Variants in COQ8A observed in about 807,000 individuals in gnomAD.
The protein encoded by COQ8A is atypical kinase COQ8A, mitochondrial.
COQ8A carries 51 observed loss-of-function variants against 65.0 expected under a neutral mutation model. The observed-to-expected ratio is 0.78, with a 90% CI of 0.63 to 0.99. The LOEUF is 0.99. Ranked by LOEUF, COQ8A falls within the 50% of genes least tolerant of loss-of-function variation. The pLI, the probability that COQ8A is intolerant of heterozygous loss-of-function variation, is 0.00. For synonymous variants in COQ8A, 371 were observed against 353.2 expected, an observed-to-expected ratio of 1.05 and a Z score of -0.57; for missense variants, 940 against 875.0, an observed-to-expected ratio of 1.07 and a Z score of -0.94.
At chr1:226,951,048 G>T (rs756288292) in intron 1 of COQ8A, among the ~76,000 whole-genome samples, 4 of 152,190 alleles carry the variant, frequency 2.6e-5, no homozygotes, top group Non-Finnish European at 4.4e-5. Flanking sequence ...GGGCAGACAG[G>T]CCAGCGTATG....
At chr1:226,963,963 G>A (rs1474420463) in intron 2 of COQ8A, among the ~76,000 whole-genome samples, 4 of 152,218 alleles carry the variant, frequency 2.6e-5, no homozygotes, top group Non-Finnish European at 5.9e-5. Flanking sequence ...CAGCCTGGGT[G>A]TTGGATCCCG....
intron 1 of COQ8A, among the ~76,000 whole-genome samples, chr1:226,960,347 GGTGGT>G (rs1558187271): frequency 1.3e-5 from 2 of 149,382 alleles, no homozygotes; most frequent in Non-Finnish European, 1.5e-5. Context: ...ACTTGGTGGT[GGTGGT>G]GGTGGTGCTT....
chr1:226,984,563 C>T lies in COQ8A; in HGVS notation c.1414C>T (p.Leu472=), dbSNP rs764686228. 4.3e-6 allele frequency: 7 copies of T among 1,613,974 alleles called. No individual in the cohort carries two copies. The East Asian group carries it at 1.6e-4, about 36-fold the overall frequency. The change falls in exon 12 of 15, where the codon CTG becomes TTG. Residue 472 remains leucine, a synonymous_variant. Transcript: ENST00000366777. ...CTGTCCACAGATCTGCTACAACATC[C>T]TGGTTCTGTGCCTGAGGGAGCTGTT... ...EIRNEICYNI[L]VLCLRELFEF... is the part of the protein sequence containing the mutation.
At chr1:226,961,626 G>T in intron 2 of COQ8A, 64 bp downstream of exon 2, 2 of 1,535,416 alleles carry the variant, frequency 1.3e-6, no homozygotes, top group South Asian at 2.5e-5. Context: ...AGCTCTGGGG[G>T]AGACCAAGGG....
rs1572045723 is a variant in COQ8A at position 226,965,014 on chromosome 1, T to G, written c.192T>G (p.His64Gln). ...GCTCCCTGCAGGGTCAGGATAAACA[T>G]GAAGAATATTTTGCTGAGAACTTCG... is the stretch of plus-strand genomic sequence containing the variant. ...FLGKVQGQDK[H>Q]EEYFAENFGG... Residue 64 changes from histidine to glutamine, a missense_variant, in exon 3 of 15, where the codon CAT becomes CAG. His to Gln is a conservative substitution (Grantham distance 24, BLOSUM62 0). Coordinates refer to ENST00000366777, the MANE Select transcript of COQ8A (RefSeq NM_020247.5). The G allele has an allele frequency of 6.2e-7, 1 of 1,613,872 alleles. No individual in the cohort carries two copies. Among genetic ancestry groups the G allele is most frequent in the Non-Finnish European group, 8.5e-7 (1 of 1,180,024 alleles).
At chr1:226,948,842 C>A (rs775055996) in intron 1 of COQ8A, among the ~76,000 whole-genome samples, 2 of 152,102 alleles carry the variant, frequency 1.3e-5, no homozygotes, top group East Asian at 1.9e-4. Flanking sequence ...GTCAGGAGAA[C>A]GTAAATATGG....
intron 13 of COQ8A, 94 bp downstream of exon 13, chr1:226,985,035 T>C: frequency 6.7e-7 from 1 of 1,496,074 alleles, no homozygotes; most frequent in Non-Finnish European, 9.2e-7. Flanking sequence ...ACTGGGTTCC[T>C]GCCCTTGTGT....
At chr1:226,947,784 GA>G (rs1657130967) in intron 1 of COQ8A, among the ~76,000 whole-genome samples, 1 of 139,870 alleles carries the variant, frequency 7.1e-6, no homozygotes, top group Non-Finnish European at 1.5e-5. Context: ...GCAACAGTAA[GA>G]CCCTGTCTCA....
intron 5 of COQ8A, among the ~76,000 whole-genome samples, chr1:226,978,568 A>G (rs1275662144): frequency 1.4e-5 from 1 of 70,288 alleles, no homozygotes; most frequent in Admixed American, 1.3e-4. Context: ...CCACAGCCAC[A>G]CACCACCTTA....
chr1:226,948,098 G>A (rs1481301344), intron 1 of COQ8A, among the ~76,000 whole-genome samples: 2 of 152,206 alleles, frequency 1.3e-5, no homozygotes, highest in African/African-American at 2.4e-5. Context: ...GTGGCTCAAA[G>A]CATCATAAAT....
intron 2 of COQ8A, among the ~76,000 whole-genome samples, chr1:226,964,648 G>C (rs1658448908): frequency 1.3e-5 from 2 of 152,128 alleles, no homozygotes; most frequent in African/African-American, 4.8e-5. Context: ...TGTCTTTTGC[G>C]CCCTGGTTTA....
At chr1:226,978,142 CAT>C (rs1206677285) in intron 5 of COQ8A, among the ~76,000 whole-genome samples, 7 of 151,066 alleles carry the variant, frequency 4.6e-5, no homozygotes, top group Admixed American at 2.0e-4. Context: ...AACACCCACA[CAT>C]CTTACCCTCC....
intron 1 of COQ8A, among the ~76,000 whole-genome samples, chr1:226,956,380 A>C (rs1435064141): frequency 1.8e-5 from 2 of 108,274 alleles, no homozygotes; most frequent in East Asian, 2.8e-4. Flanking sequence ...TCCGTGGTTC[A>C]CACTCTCCCT....
chr1:226,951,656 C>G (rs536540534), intron 1 of COQ8A, among the ~76,000 whole-genome samples: 7 of 152,168 alleles, frequency 4.6e-5, no homozygotes, highest in Admixed American at 2.0e-4. Flanking sequence ...TCCAAATTTC[C>G]TGGGACAGCT....
chr1:226,960,057 A>G (rs113524750), intron 1 of COQ8A, among the ~76,000 whole-genome samples: 3 of 100,660 alleles, frequency 3.0e-5, no homozygotes, highest in African/African-American at 7.9e-5. Flanking sequence ...TGGTGGTGGT[A>G]CTTGGTGGTA....
intron 3 of COQ8A, 118 bp from the exon 4 acceptor site, chr1:226,965,553 T>C (rs1658511895): frequency 1.3e-6 from 2 of 1,498,738 alleles, no homozygotes; most frequent in Non-Finnish European, 1.8e-6. Flanking sequence ...TGGAGTGTGC[T>C]GTCAGGCGGA....
rs1349790614 is a variant in COQ8A, at chr1:226,986,403, T to C, written c.1660-50T>C. 30 of 1,600,260 alleles carry C rather than the reference T, an allele frequency of 1.9e-5. 1 individual carries two copies. The East Asian group carries it at 6.7e-4, about 36-fold the overall frequency. ...GCACTGTGGGAGGAACCCGGGCTGG[T>C]GGAGGGCTCTGGTGTCTCGCCGCCA... On this transcript the variant is annotated intron_variant, in intron 14 of 14. Transcript: ENST00000366777.
At chr1:226,963,872 T>C (rs1023190923) in intron 2 of COQ8A, among the ~76,000 whole-genome samples, 6 of 152,220 alleles carry the variant, frequency 3.9e-5, no homozygotes, top group Non-Finnish European at 5.9e-5. Context: ...CCCAAAGTGC[T>C]GGGATTACAG....
intron 2 of COQ8A, 109 bp downstream of exon 2, chr1:226,961,671 G>A (rs1365906272): frequency 7.5e-7 from 1 of 1,330,852 alleles, no homozygotes; most frequent in Non-Finnish European, 1.0e-6. Context: ...GGTGGCCAGG[G>A]CCTGAGGGCC....
Sources: gnomAD v4.1 joint callset for allele counts (sites outside exome capture counted in the v4.1 genomes callset) on GRCh38, gnomAD v4.1.1 for gene constraint, MANE v1.5 for transcripts, NCBI Gene and HGNC (gene_info 2026-07-23, HGNC 2026-07-21) for gene names.